The following SNX18 variants were observed in gnomAD, a reference collection of about 807,000 sequenced individuals.
SNX18 encodes the protein sorting nexin 18, also known as sorting nexin-18.
SNX18 carries 35 observed loss-of-function variants against 48.7 expected under a neutral mutation model. That is an observed-to-expected ratio of 0.72 (90% CI 0.55 to 0.95). The LOEUF (loss-of-function observed/expected upper bound fraction) is 0.95. Among genes scored for constraint, SNX18 ranks in the 40% least tolerant of loss-of-function variants. The pLI is 0.00. For missense variants in SNX18, 824 were observed against 871.0 expected (o/e 0.95, Z 0.68); for synonymous variants, 492 against 384.7 (o/e 1.28, Z -3.26).
At chr5:54,611,646 C>A in the SNX18 span, among the ~76,000 whole-genome samples, 1 of 152,118 alleles carries the variant, frequency 6.6e-6, no homozygotes, top group Non-Finnish European at 1.5e-5. Context: ...ATGGTAACCC[C>A]AGATATTTCC....
At chr5:54,523,478 T>TA (rs1439940036) in intron 1 of SNX18, among the ~76,000 whole-genome samples, 7 of 152,150 alleles carry the variant, frequency 4.6e-5, no homozygotes, top group Non-Finnish European at 1.0e-4. Flanking sequence ...TTGGACTAAA[T>TA]AAAAATGGCT....
At chr5:54,616,887 C>A in the SNX18 span, among the ~76,000 whole-genome samples, 1 of 152,206 alleles carries the variant, frequency 6.6e-6, no homozygotes, top group Admixed American at 6.5e-5. Context: ...TGCAAGGTAA[C>A]TGTGGGGTTT....
At chr5:54,634,870 A>C in the SNX18 span, among the ~76,000 whole-genome samples, 1 of 152,176 alleles carries the variant, frequency 6.6e-6, no homozygotes, top group Non-Finnish European at 1.5e-5. Context: ...AGGATAATTA[A>C]TGTTTGTCAG....
At chr5:54,644,772 T>C in the SNX18 span, 2 of 152,272 alleles carry the variant, frequency 1.3e-5, no homozygotes, top group Admixed American at 6.5e-5. Flanking sequence ...GGGGAGACCT[T>C]GGGGTAAACA....
the SNX18 span, among the ~76,000 whole-genome samples, chr5:54,597,537 A>T: frequency 1.3e-5 from 2 of 152,164 alleles, no homozygotes; most frequent in Non-Finnish European, 2.9e-5. Flanking sequence ...AAACCATAAC[A>T]GTCTCTCAGA....
At chr5:54,583,500 C>T in the SNX18 span, among the ~76,000 whole-genome samples, 3 of 152,300 alleles carry the variant, frequency 2.0e-5, no homozygotes, top group African/African-American at 4.8e-5. Flanking sequence ...TTGACAGCCA[C>T]GAGTGGCAGT....
At chr5:54,633,895 TG>T in the SNX18 span, among the ~76,000 whole-genome samples, 1 of 152,210 alleles carries the variant, frequency 6.6e-6, no homozygotes, top group African/African-American at 2.4e-5. Flanking sequence ...TTCATCTTGT[TG>T]GGAGACACTT....
the SNX18 span, among the ~76,000 whole-genome samples, chr5:54,630,607 G>T: frequency 6.6e-6 from 1 of 152,108 alleles, no homozygotes; most frequent in African/African-American, 2.4e-5. Context: ...GCCAAGGTGG[G>T]TGGATCACTT....
At chr5:54,542,273 C>T (rs1384647973) in intron 1 of SNX18, among the ~76,000 whole-genome samples, 3 of 152,146 alleles carry the variant, frequency 2.0e-5, no homozygotes, top group African/African-American at 7.2e-5. Flanking sequence ...TGGCACCTGC[C>T]GGAGTGGTCA....
chr5:54,606,027 T>G, the SNX18 span, among the ~76,000 whole-genome samples: 2 of 152,242 alleles, frequency 1.3e-5, no homozygotes, highest in South Asian at 4.1e-4. Context: ...TTCCTTTGAA[T>G]TGTGGTAAAA....
the SNX18 span, among the ~76,000 whole-genome samples, chr5:54,562,808 A>T: frequency 6.6e-6 from 1 of 152,238 alleles, no homozygotes; most frequent in East Asian, 1.9e-4. Context: ...TTCAGGAGGT[A>T]TCCAGAAGAA....
chr5:54,584,548 C>A, the SNX18 span, among the ~76,000 whole-genome samples: 1 of 151,884 alleles, frequency 6.6e-6, no homozygotes, highest in Non-Finnish European at 1.5e-5. Flanking sequence ...CCTTGTTGTT[C>A]GAAAAGATTA....
the SNX18 span, among the ~76,000 whole-genome samples, chr5:54,579,083 C>A: frequency 6.6e-6 from 1 of 152,068 alleles, no homozygotes; most frequent in Non-Finnish European, 1.5e-5. Context: ...CGTATGCCTG[C>A]AATCCCAACA....
chr5:54,563,724 G>T, the SNX18 span, among the ~76,000 whole-genome samples: 3 of 152,116 alleles, frequency 2.0e-5, no homozygotes, highest in Non-Finnish European at 1.5e-5. Context: ...GACCTCTAAA[G>T]AGGCCCCTGG....
chr5:54,533,332 T>G (rs557021659), intron 1 of SNX18, among the ~76,000 whole-genome samples: 1 of 152,344 alleles, frequency 6.6e-6, no homozygotes, highest in South Asian at 2.1e-4. Context: ...CCTCCAGGGT[T>G]TATTAATGTG....
At chr5:54,599,171 T>G in the SNX18 span, among the ~76,000 whole-genome samples, 2 of 152,202 alleles carry the variant, frequency 1.3e-5, no homozygotes, top group Non-Finnish European at 2.9e-5. Context: ...GGTTTTGGTA[T>G]CATGACAATG....
the SNX18 span, among the ~76,000 whole-genome samples, chr5:54,575,579 T>C: frequency 0.014 from 2,193 of 152,110 alleles, 30 homozygotes; most frequent in Non-Finnish European, 0.023. Flanking sequence ...TTGGTCAGGC[T>C]GGTCTCAAAC....
chr5:54,568,962 C>T, the SNX18 span, among the ~76,000 whole-genome samples: 1 of 151,262 alleles, frequency 6.6e-6, no homozygotes, highest in Admixed American at 6.6e-5. Flanking sequence ...CCTACCTCAG[C>T]TTCCTGAGTA....
the SNX18 span, among the ~76,000 whole-genome samples, chr5:54,617,685 C>T: frequency 6.6e-6 from 1 of 152,206 alleles, no homozygotes; most frequent in African/African-American, 2.4e-5. Context: ...AGGATTTGTT[C>T]ATGTCTCTGT....
Sources: allele counts gnomAD v4.1 joint callset (sites outside exome capture counted in the v4.1 genomes callset), GRCh38; gene constraint gnomAD v4.1.1; transcripts MANE v1.5; gene names NCBI Gene and HGNC (gene_info 2026-07-23, HGNC 2026-07-21).